LAPTM4B: variants seen among roughly 807,000 people sequenced by gnomAD.
LAPTM4B encodes the protein lysosomal protein transmembrane 4 beta, also known as lysosomal-associated transmembrane protein 4B.
In LAPTM4B, 26 loss-of-function variants were observed where a neutral mutation model predicts 28.5. The observed-to-expected ratio is 0.91, with a 90% confidence interval of 0.67 to 1.27. The LOEUF (loss-of-function observed/expected upper bound fraction) is 1.27, where lower values mean the gene tolerates loss of function less well. Ranked by LOEUF, LAPTM4B falls within the 50% of genes most tolerant of loss-of-function variation. The probability of loss-of-function intolerance (pLI) is 0.00; values close to 1 mark genes in which losing one functional copy is unlikely to be tolerated. For synonymous variants in LAPTM4B, 109 were observed against 106.4 expected, an observed-to-expected ratio of 1.02 and a Z score of -0.15; for missense variants, 288 against 285.8, an observed-to-expected ratio of 1.01 and a Z score of -0.06.
intron 6 of LAPTM4B, among the ~76,000 whole-genome samples, chr8:97,847,963 A>G (rs1817456656): frequency 6.6e-6 from 1 of 152,202 alleles, no homozygotes; most frequent in Non-Finnish European, 1.5e-5. Context: ...AGAAAAGACT[A>G]TCAAGATATT....
chr8:97,827,097 A>G (rs991863070), intron 6 of LAPTM4B, among the ~76,000 whole-genome samples: 3 of 152,190 alleles, frequency 2.0e-5, no homozygotes, highest in African/African-American at 7.2e-5. Flanking sequence ...TTGTTTTGAT[A>G]TGGTGGTGTT....
At position 97,822,031 on chromosome 8, in the gene LAPTM4B, A is replaced by C. The variant is rs143891961; in HGVS notation, c.507+2793A>C. ...CATTCAGCAGTTAAGGATGGGAGTG[A>C]ATTTTACACACGGATGTTGGGCCTT... On this transcript the variant is annotated intron_variant, in intron 5 of 6. Coordinates refer to ENST00000521545, the MANE Select transcript of LAPTM4B (RefSeq NM_018407.6). Among the ~76,000 whole-genome samples, 1,297 of 152,322 alleles carry C rather than the reference A, an allele frequency of 8.5e-3. 22 individuals carry two copies. The highest frequency in any genetic ancestry group is 0.029 in the African/African-American group (1,217 of 41,576).
At chr8:97,816,301 A>G (rs2331656) in intron 4 of LAPTM4B, 121 bp downstream of exon 4, 427,236 of 934,304 alleles carry the variant, frequency 0.46, 101,303 homozygotes, top group East Asian at 0.55. Flanking sequence ...CAGCTGAGTT[A>G]CTCATAGGAA....
chr8:97,800,742 C>T (rs4735493), intron 1 of LAPTM4B, among the ~76,000 whole-genome samples: 67,399 of 151,688 alleles, frequency 0.44, 15,454 homozygotes, highest in East Asian at 0.57. Flanking sequence ...GTGATCTGCC[C>T]GCCTTGGCCT....
At chr8:97,803,023 A>AC (rs1458043634) in intron 1 of LAPTM4B, among the ~76,000 whole-genome samples, 1 of 151,650 alleles carries the variant, frequency 6.6e-6, no homozygotes, top group African/African-American at 2.4e-5. Context: ...AGACGGTGAA[A>AC]CCCCATCTCT....
At chr8:97,785,517 A>T (rs1425226390) in intron 1 of LAPTM4B, among the ~76,000 whole-genome samples, 1 of 152,208 alleles carries the variant, frequency 6.6e-6, no homozygotes, top group East Asian at 1.9e-4. Flanking sequence ...CTGAGGCAAA[A>T]TTAATGTAAG....
At chr8:97,820,301 T>C (rs1224898947) in intron 5 of LAPTM4B, among the ~76,000 whole-genome samples, 1 of 135,136 alleles carries the variant, frequency 7.4e-6, no homozygotes, top group Admixed American at 7.6e-5. Context: ...TTTTTCTTTC[T>C]TTCTTTTTTT....
At chr8:97,804,006 G>C (rs1816725795) in intron 1 of LAPTM4B, among the ~76,000 whole-genome samples, 1 of 152,216 alleles carries the variant, frequency 6.6e-6, no homozygotes, top group Non-Finnish European at 1.5e-5. Flanking sequence ...GCTTTTCTCT[G>C]TGTATCTTCA....
intron 6 of LAPTM4B, among the ~76,000 whole-genome samples, chr8:97,850,375 C>G (rs1433270855): frequency 6.6e-6 from 1 of 151,394 alleles, no homozygotes; most frequent in Non-Finnish European, 1.5e-5. Flanking sequence ...ACTGGCCCAC[C>G]CTCGAGGAAG....
At chr8:97,781,005 T>C (rs959256109) in intron 1 of LAPTM4B, among the ~76,000 whole-genome samples, 3 of 152,056 alleles carry the variant, frequency 2.0e-5, no homozygotes, top group Non-Finnish European at 2.9e-5. Flanking sequence ...ATTTTTTTTT[T>C]TTGAGACCGA....
At chr8:97,825,892 TGTGTGGCATGGGACA>T (rs1478253648) in intron 6 of LAPTM4B, among the ~76,000 whole-genome samples, 1 of 152,194 alleles carries the variant, frequency 6.6e-6, no homozygotes, top group African/African-American at 2.4e-5. Context: ...GACATGTAAC[TGTGTGGCATGGGACA>T]GGATGGGTGG....
At chr8:97,836,400 C>T (rs976894450) in intron 6 of LAPTM4B, among the ~76,000 whole-genome samples, 17 of 152,088 alleles carry the variant, frequency 1.1e-4, no homozygotes, top group Non-Finnish European at 2.5e-4. Context: ...AGGCTGGTCT[C>T]GAACTCCTGA....
intron 1 of LAPTM4B, among the ~76,000 whole-genome samples, chr8:97,802,198 A>G (rs961966283): frequency 1.3e-5 from 2 of 152,186 alleles, no homozygotes; most frequent in African/African-American, 4.8e-5. Flanking sequence ...TTATTAAGTA[A>G]AGAAACAAAA....
intron 1 of LAPTM4B, 113 bp downstream of exon 1, chr8:97,776,221 T>C (rs989972120): frequency 8.2e-7 from 1 of 1,225,740 alleles, no homozygotes. Flanking sequence ...TAAAGTTGTA[T>C]TATTAGAAAC....
intron 1 of LAPTM4B, among the ~76,000 whole-genome samples, chr8:97,794,411 T>C (rs951613015): frequency 4.6e-5 from 7 of 152,134 alleles, no homozygotes; most frequent in Non-Finnish European, 8.8e-5. Flanking sequence ...CATGACCAGC[T>C]TGGGACCATG....
chr8:97,822,352 G>A (rs531048977), intron 5 of LAPTM4B, among the ~76,000 whole-genome samples: 2 of 151,976 alleles, frequency 1.3e-5, no homozygotes, highest in Admixed American at 6.6e-5. Context: ...CTGCAGGAAG[G>A]TTAGTCTGAC....
chr8:97,791,751 A>C (rs2129742114), intron 1 of LAPTM4B, among the ~76,000 whole-genome samples: 1 of 152,324 alleles, frequency 6.6e-6, no homozygotes, highest in African/African-American at 2.4e-5. Context: ...CCAACAATTG[A>C]ATGTCAGTTG....
At chr8:97,788,699 C>T (rs1816446239) in intron 1 of LAPTM4B, among the ~76,000 whole-genome samples, 1 of 125,118 alleles carries the variant, frequency 8.0e-6, no homozygotes, top group Non-Finnish European at 1.8e-5. Flanking sequence ...TTCTGACAGC[C>T]ATTTTTTTTT....
chr8:97,831,710 G>C (rs1412738178), intron 6 of LAPTM4B, among the ~76,000 whole-genome samples: 1 of 152,178 alleles, frequency 6.6e-6, no homozygotes, highest in Non-Finnish European at 1.5e-5. Flanking sequence ...AGAAGAATAG[G>C]TGGGAGTGAT....
Sources: gnomAD v4.1 joint callset for allele counts (sites outside exome capture counted in the v4.1 genomes callset) on GRCh38, gnomAD v4.1.1 for gene constraint, MANE v1.5 for transcripts, NCBI Gene and HGNC (gene_info 2026-07-23, HGNC 2026-07-21) for gene names.